The following ATP10B variants were observed in gnomAD, a reference collection of about 807,000 sequenced individuals.
ATP10B encodes ATPase phospholipid transporting 10B (putative).
In ATP10B, 122 loss-of-function variants were observed where a neutral mutation model predicts 141.2. The observed-to-expected ratio is 0.86, with a 90% CI of 0.75 to 1.00. The LOEUF is 1.00. Ranked by LOEUF, ATP10B falls within the 50% of genes least tolerant of loss-of-function variation. The pLI is 0.00. For missense variants in ATP10B, 1,876 were observed against 1,825.3 expected (o/e 1.03, Z -0.51); for synonymous variants, 685 against 692.0 (o/e 0.99, Z 0.16).
chr5:160,826,327 A>G (rs1296418090), intron 1 of ATP10B, among the ~76,000 whole-genome samples: 1 of 152,160 alleles, frequency 6.6e-6, no homozygotes, highest in Non-Finnish European at 1.5e-5. Context: ...CCCGAACAGA[A>G]GGACCAGCTG....
intron 7 of ATP10B, among the ~76,000 whole-genome samples, chr5:160,663,651 AGCGG>A (rs1561721102): frequency 1.2e-5 from 1 of 80,098 alleles, no homozygotes. Flanking sequence ...GGGTGGGGAG[AGCGG>A]GGAGGGATAG....
At chr5:160,603,703 C>T (rs1044075383) in intron 20 of ATP10B, 6 of 471,800 alleles carry the variant, frequency 1.3e-5, no homozygotes, top group Admixed American at 3.2e-5. Context: ...GTTAATGGCT[C>T]AAAACCCACA....
At chr5:160,692,933 T>A (rs1208021527) in intron 3 of ATP10B, 1 of 152,226 alleles carries the variant, frequency 6.6e-6, no homozygotes, top group Non-Finnish European at 1.5e-5. Flanking sequence ...TATTGGGCGC[T>A]GGACCTATTA....
In ATP10B at chr5:160,563,437, T is replaced by C. The variant is rs541451532; in HGVS notation, c.*2016A>G. The C allele has an allele frequency of 2.6e-5, 4 of 152,164 alleles. No individual in the cohort carries two copies. Among genetic ancestry groups the C allele is most frequent in the Admixed American group, 1.3e-4 (2 of 15,280 alleles). The allele number at this position is 152,164 out of a possible 1,614,324, so 9.4% of individuals were successfully genotyped here. A position where few individuals can be genotyped will look rare whatever the true frequency, so the allele number is the denominator to read the frequency against. On this transcript the variant is annotated 3_prime_UTR_variant, in exon 26 of 26. Coordinates refer to ENST00000327245, the MANE Select transcript of ATP10B (RefSeq NM_025153.3). Reference sequence around the variant, plus strand: ...CAAGAAAAAGAGCAGCATCAGAGTGTTGGCTATAGTTTGGAACTTAGGAAC... The same window carrying C: ...CAAGAAAAAGAGCAGCATCAGAGTGCTGGCTATAGTTTGGAACTTAGGAAC...
intron 1 of ATP10B, among the ~76,000 whole-genome samples, chr5:160,798,718 T>G (rs1013230912): frequency 6.6e-6 from 1 of 150,780 alleles, no homozygotes; most frequent in Non-Finnish European, 1.5e-5. Flanking sequence ...AACTAATACA[T>G]GGGTCAAGGA....
chr5:160,869,285 T>TC, the ATP10B span, among the ~76,000 whole-genome samples: 10 of 152,112 alleles, frequency 6.6e-5, no homozygotes, highest in African/African-American at 2.2e-4. Context: ...TTTCATTTTT[T>TC]CCCATCAGAA....
At chr5:160,727,434 G>A (rs563996960) in intron 2 of ATP10B, among the ~76,000 whole-genome samples, 1 of 152,338 alleles carries the variant, frequency 6.6e-6, no homozygotes, top group African/African-American at 2.4e-5. Context: ...AGGTCAGGAA[G>A]AATATAGATG....
intron 1 of ATP10B, among the ~76,000 whole-genome samples, chr5:160,814,329 G>T (rs186228086): frequency 0.011 from 1,646 of 152,272 alleles, 17 homozygotes; most frequent in Middle Eastern, 0.034. Context: ...AGAGAACTAC[G>T]TGATGAATGC....
chr5:160,881,822 A>G, the ATP10B span, among the ~76,000 whole-genome samples: 1 of 152,096 alleles, frequency 6.6e-6, no homozygotes, highest in Non-Finnish European at 1.5e-5. Flanking sequence ...AAATGAATAA[A>G]TAAATAAAAC....
At chr5:160,874,527 G>A in the ATP10B span, among the ~76,000 whole-genome samples, 3 of 152,114 alleles carry the variant, frequency 2.0e-5, no homozygotes, top group Admixed American at 6.5e-5. Context: ...GACCAAAGCT[G>A]GATGGAGAAT....
chr5:160,782,742 C>T (rs956303990), intron 2 of ATP10B, among the ~76,000 whole-genome samples: 2 of 151,810 alleles, frequency 1.3e-5, no homozygotes, highest in Admixed American at 6.6e-5. Context: ...AAGAAATTAT[C>T]ATTAATTCCT....
the ATP10B span, among the ~76,000 whole-genome samples, chr5:160,864,500 A>G: frequency 6.6e-6 from 1 of 151,812 alleles, no homozygotes; most frequent in African/African-American, 2.4e-5. Flanking sequence ...AGTTGAAAGC[A>G]TTTTCCCTAG....
At chr5:160,635,800 C>G (rs549148174) in intron 11 of ATP10B, among the ~76,000 whole-genome samples, 1 of 152,292 alleles carries the variant, frequency 6.6e-6, no homozygotes, top group Non-Finnish European at 1.5e-5. Context: ...ATTTCTCTCT[C>G]TCAATGTTGG....
intron 7 of ATP10B, among the ~76,000 whole-genome samples, chr5:160,664,667 T>C (rs1762211965): frequency 6.6e-6 from 1 of 152,178 alleles, no homozygotes; most frequent in Non-Finnish European, 1.5e-5. Flanking sequence ...TGACAAGCTC[T>C]CAGTGATGCT....
At position 160,612,759 on chromosome 5, in the gene ATP10B, G is replaced by C; in HGVS notation, c.2820C>G (p.Thr940=). The C allele has an allele frequency of 6.2e-7, 1 of 1,613,584 alleles. No homozygotes were observed. ...ACCTCACCTGATTCTCTGTATTGAT[G>C]GTATAAACAGTGTCGGTCTGATTTA... ...RLLNQTDTVY[T]INTENQETCE... is the part of the protein sequence containing the mutation. Residue 940 remains threonine, a synonymous_variant, in exon 18 of 26, where the codon ACC becomes ACG. Transcript: ENST00000327245.
At chr5:160,915,268 C>T in the ATP10B span, among the ~76,000 whole-genome samples, 2 of 151,662 alleles carry the variant, frequency 1.3e-5, no homozygotes, top group South Asian at 4.1e-4. Context: ...GGAAGGAGAA[C>T]TCACAAAAAT....
At chr5:160,603,667 T>C (rs529371278) in intron 20 of ATP10B, 13 of 387,050 alleles carry the variant, frequency 3.4e-5, no homozygotes, top group African/African-American at 2.6e-4. Flanking sequence ...GTGCCAAATG[T>C]TTACACTGGT....
intron 6 of ATP10B, among the ~76,000 whole-genome samples, chr5:160,678,566 G>A (rs1763182279): frequency 6.6e-6 from 1 of 152,214 alleles, no homozygotes; most frequent in Non-Finnish European, 1.5e-5. Context: ...GGCTGAGGCA[G>A]GAGAATCCCC....
the ATP10B span, among the ~76,000 whole-genome samples, chr5:160,858,353 T>C: frequency 2.0e-5 from 3 of 152,164 alleles, no homozygotes; most frequent in Admixed American, 6.6e-5. Flanking sequence ...TCTGCTTATA[T>C]TGCTGTATTT....
Sources: allele counts gnomAD v4.1 joint callset (sites outside exome capture counted in the v4.1 genomes callset), GRCh38; gene constraint gnomAD v4.1.1; transcripts MANE v1.5; gene names NCBI Gene and HGNC (gene_info 2026-07-23, HGNC 2026-07-21).